Variants in TULP4 observed in about 807,000 individuals in gnomAD.
TULP4 encodes tubby-related protein 4.
TULP4 carries 16 observed loss-of-function variants against 129.0 expected under a neutral mutation model. The ratio of observed to expected loss-of-function variants is 0.12; its 90% CI spans 0.08 to 0.19. TULP4 has a LOEUF of 0.19. TULP4 is among the 10% of genes least tolerant of loss of function. The pLI, the probability that TULP4 is intolerant of heterozygous loss-of-function variation, is 1.00. For missense variants in TULP4, 1,842 were observed against 2,059.1 expected (o/e 0.89, Z 2.04); for synonymous variants, 998 against 854.0 (o/e 1.17, Z -2.94).
intron 1 of TULP4, among the ~76,000 whole-genome samples, chr6:158,383,597 C>T (rs1417942958): frequency 6.6e-6 from 1 of 152,180 alleles, no homozygotes; most frequent in Non-Finnish European, 1.5e-5. Flanking sequence ...AACTAGCCCA[C>T]CCCAGGTGAG....
At chr6:158,371,380 A>G (rs1308855165) in intron 1 of TULP4, among the ~76,000 whole-genome samples, 1 of 152,178 alleles carries the variant, frequency 6.6e-6, no homozygotes, top group Non-Finnish European at 1.5e-5. Flanking sequence ...TAGCCTCCCT[A>G]CTTCAGGAGC....
At chr6:158,284,927 A>C (rs1778810873) in intron 1 of TULP4, among the ~76,000 whole-genome samples, 1 of 152,208 alleles carries the variant, frequency 6.6e-6, no homozygotes. Context: ...GTTAACCAGC[A>C]TGTTTTCTGC....
intron 1 of TULP4, among the ~76,000 whole-genome samples, chr6:158,253,156 C>T (rs73794548): frequency 0.023 from 3,568 of 152,298 alleles, 146 homozygotes; most frequent in African/African-American, 0.08. Context: ...TCTGCTGTCT[C>T]GTTCTTTTGC....
chr6:158,304,153 G>T lies in TULP4; in HGVS notation n.117-7898G>T, dbSNP rs184566774. Among the ~76,000 whole-genome samples, 695 of 152,212 alleles carry T rather than the reference G, an allele frequency of 4.6e-3. 3 individuals are homozygous for T. The highest frequency in any genetic ancestry group is 6.7e-3 in the Non-Finnish European group (455 of 68,006). ...GATTTATTGGTTGATTAATCTATGG[G>T]TATCTAACATACCTGATACACCATC... On this transcript the variant is annotated intron_variant and non_coding_transcript_variant, in intron 1 of 1. Coordinates refer to the TULP4 transcript ENST00000432358.
At chr6:158,385,322 T>G (rs1035676996) in intron 1 of TULP4, among the ~76,000 whole-genome samples, 2 of 152,232 alleles carry the variant, frequency 1.3e-5, no homozygotes, top group Non-Finnish European at 2.9e-5. Flanking sequence ...TATGTATAAT[T>G]TCTCTGCAGT....
chr6:158,396,567 CAG>C (rs1777722501), intron 1 of TULP4, among the ~76,000 whole-genome samples: 1 of 151,998 alleles, frequency 6.6e-6, no homozygotes, highest in Non-Finnish European at 1.5e-5. Context: ...ACCAAATGGA[CAG>C]AATTTAATGT....
chr6:158,396,888 G>T (rs2114967066), intron 1 of TULP4, among the ~76,000 whole-genome samples: 1 of 152,326 alleles, frequency 6.6e-6, no homozygotes, highest in Admixed American at 6.5e-5. Context: ...AGGCTATTCT[G>T]TGTAATCTGA....
intron 1 of TULP4, among the ~76,000 whole-genome samples, chr6:158,396,420 A>AT (rs1302037871): frequency 6.6e-6 from 1 of 152,208 alleles, no homozygotes; most frequent in Non-Finnish European, 1.5e-5. Context: ...GCAGTGGTCC[A>AT]TTTTATCAAA....
At chr6:158,399,409 A>T (rs1777794728) in intron 1 of TULP4, among the ~76,000 whole-genome samples, 1 of 152,232 alleles carries the variant, frequency 6.6e-6, no homozygotes, top group African/African-American at 2.4e-5. Context: ...GAAAACTTCA[A>T]TGTGTATGTG....
chr6:158,433,463 C>T (rs1462852806), intron 3 of TULP4, among the ~76,000 whole-genome samples: 1 of 152,132 alleles, frequency 6.6e-6, no homozygotes, highest in East Asian at 1.9e-4. Flanking sequence ...GCCTGTAATC[C>T]CAACACTTTG....
chr6:158,376,942 T>C (rs949122519), intron 1 of TULP4, among the ~76,000 whole-genome samples: 2 of 152,234 alleles, frequency 1.3e-5, no homozygotes, highest in African/African-American at 4.8e-5. Flanking sequence ...AGCAACTGCC[T>C]ACCTCGAGGC....
chr6:158,304,909 C>T (rs1378824412), intron 1 of TULP4, among the ~76,000 whole-genome samples: 1 of 152,040 alleles, frequency 6.6e-6, no homozygotes, highest in Non-Finnish European at 1.5e-5. Flanking sequence ...TCAAGCCATC[C>T]TCCTGCCTCA....
intron 5 of TULP4, among the ~76,000 whole-genome samples, chr6:158,454,672 C>A (rs1779253647): frequency 6.6e-6 from 1 of 151,166 alleles, no homozygotes; most frequent in Non-Finnish European, 1.5e-5. Flanking sequence ...GTGGCACGAT[C>A]TTGGCTCACT....
chr6:158,292,946 A>G (rs1387109914), intron 1 of TULP4, among the ~76,000 whole-genome samples: 1 of 152,170 alleles, frequency 6.6e-6, no homozygotes, highest in Non-Finnish European at 1.5e-5. Context: ...GATAAATAAA[A>G]TGCCCCCCTT....
At chr6:158,341,958 G>A (rs146580310) in intron 1 of TULP4, among the ~76,000 whole-genome samples, 180 of 152,248 alleles carry the variant, frequency 1.2e-3, no homozygotes, top group African/African-American at 4.1e-3. Flanking sequence ...TTGCTCTGTC[G>A]CCCAGGCTGG....
chr6:158,484,910 G>T lies in TULP4; in HGVS notation c.1486+3621G>T, dbSNP rs375361740. On this transcript the variant is annotated intron_variant, in intron 8 of 13. Transcript: ENST00000367097. Reference sequence around the variant, plus strand: ...TTTCTGGAGAACCCTGACTAATACAGATTTTGGATCCAGGAAATGGGTATT... The same window carrying T: ...TTTCTGGAGAACCCTGACTAATACATATTTTGGATCCAGGAAATGGGTATT... Among the ~76,000 whole-genome samples, 4 of 152,388 alleles carry T rather than the reference G, an allele frequency of 2.6e-5. No individual in the cohort carries two copies. The East Asian group carries it at 7.7e-4, about 29-fold the overall frequency.
intron 1 of TULP4, among the ~76,000 whole-genome samples, chr6:158,338,464 G>T (rs1342211): frequency 0.17 from 26,334 of 152,226 alleles, 2,703 homozygotes; most frequent in Middle Eastern, 0.26. Flanking sequence ...GCTTATTGAA[G>T]TGCATGTCTC....
chr6:158,489,912 C>T (rs902903207), intron 9 of TULP4, among the ~76,000 whole-genome samples, 180 bp downstream of exon 9: 6 of 152,142 alleles, frequency 3.9e-5, no homozygotes, highest in African/African-American at 1.2e-4. Flanking sequence ...TTGTTTCCTT[C>T]GGGATAGACA....
intron 1 of TULP4, among the ~76,000 whole-genome samples, chr6:158,234,093 A>G (rs1777645112): frequency 6.6e-6 from 1 of 152,250 alleles, no homozygotes; most frequent in East Asian, 1.9e-4. Context: ...TACGAACTTT[A>G]TGCATTTACT....
Sources: gnomAD v4.1 joint callset for allele counts (sites outside exome capture counted in the v4.1 genomes callset) on GRCh38, gnomAD v4.1.1 for gene constraint, MANE v1.5 for transcripts, NCBI Gene and HGNC (gene_info 2026-07-23, HGNC 2026-07-21) for gene names.